Variants in RAD51C observed in about 807,000 individuals in gnomAD.
RAD51C encodes DNA repair protein RAD51 homolog 3.
Under a neutral mutation model 45.0 loss-of-function variants are expected in RAD51C, and 42 were observed. The ratio of observed to expected loss-of-function variants is 0.93; its 90% confidence interval spans 0.73 to 1.21. RAD51C has a LOEUF of 1.21. Ranked by LOEUF, RAD51C falls within the 50% of genes most tolerant of loss-of-function variation. RAD51C has a pLI of 0.00. For missense variants in RAD51C, 474 were observed against 452.2 expected, an observed-to-expected ratio of 1.05 and a Z score of -0.44; for synonymous variants, 172 against 159.8, an observed-to-expected ratio of 1.08 and a Z score of -0.58.
intron 7 of RAD51C, among the ~76,000 whole-genome samples, chr17:58,731,010 C>T (rs1388811780): frequency 2.6e-5 from 4 of 152,074 alleles, no homozygotes; most frequent in Admixed American, 2.0e-4. Context: ...CTCTAGCAAC[C>T]CCATATAATT....
chr17:58,697,365 A>G (rs570148322), intron 3 of RAD51C, among the ~76,000 whole-genome samples: 10 of 152,104 alleles, frequency 6.6e-5, no homozygotes, highest in Non-Finnish European at 1.2e-4. Context: ...ATGAAACCCT[A>G]TCTGTACTAA....
At chr17:58,719,650 A>G (rs2048847530) in intron 5 of RAD51C, among the ~76,000 whole-genome samples, 1 of 152,130 alleles carries the variant, frequency 6.6e-6, no homozygotes, top group South Asian at 2.1e-4. Flanking sequence ...CCCCATCTCT[A>G]AAGTATGAAA....
At chr17:58,708,465 G>A (rs1368549504) in intron 4 of RAD51C, among the ~76,000 whole-genome samples, 2 of 152,044 alleles carry the variant, frequency 1.3e-5, no homozygotes, top group Non-Finnish European at 2.9e-5. Context: ...AGGAAAGGAG[G>A]TGTCAATTAA....
In RAD51C at chr17:58,734,550, A is replaced by C. The variant is rs979011103; in HGVS notation, c.*328A>C. 3 of 325,582 alleles carry C rather than the reference A, an allele frequency of 9.2e-6. No individual in the cohort carries two copies. Among genetic ancestry groups the C allele is most frequent in the Admixed American group, 4.7e-5 (1 of 21,482 alleles). 20.2% of individuals were successfully genotyped at this position (325,582 alleles called of 1,614,324 possible). A position where few individuals can be genotyped will look rare whatever the true frequency, so the allele number is the denominator to read the frequency against. Reference sequence around the variant, plus strand: ...TCACCCCTTTCTTTCCCAGTTGCCTATAAAATCTTAGGAAGAAACATATCA... The same window carrying C: ...TCACCCCTTTCTTTCCCAGTTGCCTCTAAAATCTTAGGAAGAAACATATCA... On this transcript the variant is annotated 3_prime_UTR_variant, in exon 9 of 9. Coordinates refer to ENST00000337432, the MANE Select transcript of RAD51C (RefSeq NM_058216.3).
intron 7 of RAD51C, among the ~76,000 whole-genome samples, chr17:58,730,155 A>G (rs1377486276): frequency 6.8e-6 from 1 of 146,932 alleles, no homozygotes; most frequent in Non-Finnish European, 1.5e-5. Flanking sequence ...TCCACTCAAC[A>G]CAGCTGTTCT....
intron 4 of RAD51C, among the ~76,000 whole-genome samples, chr17:58,705,720 T>G (rs2048357046): frequency 6.6e-6 from 1 of 152,146 alleles, no homozygotes; most frequent in Non-Finnish European, 1.5e-5. Context: ...TAGAAGTCCT[T>G]TCTCCACATA....
At chr17:58,695,424 C>T (rs2047969989) in intron 2 of RAD51C, 1 of 1,147,612 alleles carries the variant, frequency 8.7e-7, no homozygotes, top group African/African-American at 1.6e-5. Flanking sequence ...GTACTGCAGT[C>T]ATAAGGTTAA....
chr17:58,731,103 G>T (rs2049401524), intron 7 of RAD51C, among the ~76,000 whole-genome samples: 5 of 152,124 alleles, frequency 3.3e-5, no homozygotes, highest in Admixed American at 3.3e-4. Flanking sequence ...GTTGTAGCAT[G>T]TGTCAGAATT....
intron 7 of RAD51C, among the ~76,000 whole-genome samples, chr17:58,729,466 C>T (rs902231339): frequency 6.6e-6 from 1 of 152,080 alleles, no homozygotes; most frequent in African/African-American, 2.4e-5. Flanking sequence ...TGATCCACCT[C>T]GGCCTCCCAA....
chr17:58,693,123 C>T (rs1338748893), intron 1 of RAD51C: 4 of 311,930 alleles, frequency 1.3e-5, no homozygotes, highest in African/African-American at 8.8e-5. Flanking sequence ...GCTTAGGTAA[C>T]TTTTCATGCT....
intron 7 of RAD51C, among the ~76,000 whole-genome samples, chr17:58,727,339 G>A (rs1246835283): frequency 2.7e-5 from 4 of 148,512 alleles, no homozygotes; most frequent in Admixed American, 6.8e-5. Flanking sequence ...GGCCAGGCTG[G>A]TCTTGAACTC....
chr17:58,723,923 G>A (rs1036222161), intron 6 of RAD51C, 117 bp from the exon 7 acceptor site: 14 of 947,884 alleles, frequency 1.5e-5, no homozygotes, highest in Non-Finnish European at 2.3e-5. Context: ...TTGAAAGCAA[G>A]TATACTTTCG....
chr17:58,709,010 T>C (rs1371821077), intron 4 of RAD51C, among the ~76,000 whole-genome samples: 1 of 152,116 alleles, frequency 6.6e-6, no homozygotes, highest in Admixed American at 6.6e-5. Context: ...ACAAAGACTT[T>C]AAATGTGCTT....
At chr17:58,697,798 C>T (rs1598462798) in intron 3 of RAD51C, among the ~76,000 whole-genome samples, 1 of 150,742 alleles carries the variant, frequency 6.6e-6, no homozygotes, top group East Asian at 2.0e-4. Flanking sequence ...CTGCAACTTC[C>T]ACCTCCTGGG....
intron 5 of RAD51C, among the ~76,000 whole-genome samples, chr17:58,712,371 T>G (rs1304569695): frequency 2.0e-5 from 3 of 150,790 alleles, no homozygotes; most frequent in South Asian, 2.1e-4. Context: ...AAAAAGAAAT[T>G]TTAAGTTATG....
intron 4 of RAD51C, among the ~76,000 whole-genome samples, chr17:58,707,518 T>C (rs1338093462): frequency 6.7e-6 from 1 of 149,110 alleles, no homozygotes; most frequent in Non-Finnish European, 1.5e-5. Context: ...CGAGACTCCA[T>C]CTGAAAAAAA....
intron 4 of RAD51C, among the ~76,000 whole-genome samples, chr17:58,707,521 GAA>G (rs151116540): frequency 1.6e-5 from 2 of 128,644 alleles, no homozygotes; most frequent in African/African-American, 2.9e-5. Flanking sequence ...GACTCCATCT[GAA>G]AAAAAAAAAA....
At chr17:58,730,058 G>T (rs1300813534) in intron 7 of RAD51C, among the ~76,000 whole-genome samples, 2 of 151,730 alleles carry the variant, frequency 1.3e-5, no homozygotes, top group Non-Finnish European at 2.9e-5. Context: ...AATAAGGCAG[G>T]TTAAAATACA....
Position 58,734,322 on chromosome 17 carries a change from C to T in RAD51C, c.*100C>T. The T allele has an allele frequency of 6.5e-7, 1 of 1,535,892 alleles. No homozygotes were observed. Among genetic ancestry groups the T allele is most frequent in the Non-Finnish European group, 8.8e-7 (1 of 1,135,112 alleles). ...TAAAGTATAAATAAACACACTATGG[C>T]ATGAATGAATCCAGATCATATGAAG... On this transcript the variant is annotated 3_prime_UTR_variant, in exon 9 of 9. Transcript: ENST00000337432.
Sources: gnomAD v4.1 joint callset for allele counts (sites outside exome capture counted in the v4.1 genomes callset) on GRCh38, gnomAD v4.1.1 for gene constraint, MANE v1.5 for transcripts, NCBI Gene and HGNC (gene_info 2026-07-23, HGNC 2026-07-21) for gene names.